Variants in TMEM132D observed in about 807,000 individuals in gnomAD.
TMEM132D encodes mature OL transmembrane protein.
TMEM132D carries 21 observed loss-of-function variants against 62.3 expected under a neutral mutation model. That is an observed-to-expected ratio of 0.34 (90% CI 0.24 to 0.49). The LOEUF is 0.49. Among genes scored for constraint, TMEM132D ranks in the 20% least tolerant of loss-of-function variants. The pLI, the probability that TMEM132D is intolerant of heterozygous loss-of-function variation, is 0.99. For synonymous variants in TMEM132D, 621 were observed against 575.6 expected (o/e 1.08, Z -1.13); for missense variants, 1,346 against 1,402.8 (o/e 0.96, Z 0.65).
chr12:129,673,928 C>T (rs780235828), intron 2 of TMEM132D, among the ~76,000 whole-genome samples: 24 of 151,996 alleles, frequency 1.6e-4, no homozygotes, highest in Non-Finnish European at 2.9e-4. Flanking sequence ...CAAGGTGACA[C>T]GGGTAGGAAA....
intron 1 of TMEM132D, among the ~76,000 whole-genome samples, chr12:129,775,435 G>GC (rs1870889953): frequency 6.6e-6 from 1 of 152,110 alleles, no homozygotes; most frequent in Non-Finnish European, 1.5e-5. Context: ...CTGTGCAGAG[G>GC]CCCCTCTCAA....
chr12:129,453,636 G>A (rs947011780), intron 3 of TMEM132D, among the ~76,000 whole-genome samples: 13 of 152,174 alleles, frequency 8.5e-5, no homozygotes, highest in Admixed American at 2.6e-4. Flanking sequence ...GTGCACGAAC[G>A]CTGACTGCTG....
chr12:129,796,844 G>A (rs957650643), intron 1 of TMEM132D, among the ~76,000 whole-genome samples: 15 of 152,108 alleles, frequency 9.9e-5, no homozygotes, highest in African/African-American at 2.9e-4. Context: ...CAACCTGCAC[G>A]TTCCGCACAT....
chr12:129,557,136 G>A lies in TMEM132D; in HGVS notation c.969-25931C>T, dbSNP rs908138669. 8.5e-5 allele frequency among the ~76,000 whole-genome samples: 13 copies of A among 152,092 alleles called. No individual in the cohort carries two copies. The East Asian group carries it at 1.4e-3, about 16-fold the overall frequency. Reference sequence around the variant, plus strand: ...CCTTATCAGAGTTAAGTTTTATAGCGGTTTACTTTTTTTAGCTTCCATTTT... The same window carrying A: ...CCTTATCAGAGTTAAGTTTTATAGCAGTTTACTTTTTTTAGCTTCCATTTT... On this transcript the variant is annotated intron_variant, in intron 2 of 8. Transcript: ENST00000422113.
chr12:129,253,008 C>G (rs527788913), intron 4 of TMEM132D, among the ~76,000 whole-genome samples: 5 of 127,514 alleles, frequency 3.9e-5, no homozygotes, highest in Non-Finnish European at 7.7e-5. Flanking sequence ...CACATGGACA[C>G]AGGAAGGGGA....
At chr12:129,110,210 C>T (rs1205574787) in intron 5 of TMEM132D, 1 of 152,302 alleles carries the variant, frequency 6.6e-6, no homozygotes, top group Non-Finnish European at 1.5e-5. Flanking sequence ...CTGCAGTCCT[C>T]AATTAATCTC....
intron 5 of TMEM132D, among the ~76,000 whole-genome samples, chr12:129,121,064 T>A (rs949607924): frequency 3.9e-5 from 6 of 152,068 alleles, no homozygotes; most frequent in East Asian, 1.9e-4. Flanking sequence ...TAAAGTTTAC[T>A]AATCAGCTGA....
At chr12:129,439,116 G>T (rs1423299209) in intron 3 of TMEM132D, among the ~76,000 whole-genome samples, 1 of 152,178 alleles carries the variant, frequency 6.6e-6, no homozygotes, top group Non-Finnish European at 1.5e-5. Context: ...GTTGCTGGGA[G>T]CCAGGTAGAA....
At chr12:129,898,577 C>T (rs914688418) in intron 1 of TMEM132D, among the ~76,000 whole-genome samples, 12 of 152,212 alleles carry the variant, frequency 7.9e-5, no homozygotes, top group East Asian at 3.9e-4. Context: ...CATCCGGTAA[C>T]GCCAGCCCAT....
At chr12:129,407,773 G>C (rs537455884) in intron 3 of TMEM132D, among the ~76,000 whole-genome samples, 6 of 151,826 alleles carry the variant, frequency 4.0e-5, no homozygotes, top group Admixed American at 3.9e-4. Context: ...GTGGTGGCGG[G>C]TGCCTGTAGT....
chr12:129,450,088 C>T (rs1873227681), intron 3 of TMEM132D, among the ~76,000 whole-genome samples: 1 of 151,996 alleles, frequency 6.6e-6, no homozygotes, highest in Non-Finnish European at 1.5e-5. Flanking sequence ...ATTTAAGTTC[C>T]TTATAGATGC....
intron 3 of TMEM132D, among the ~76,000 whole-genome samples, chr12:129,403,119 A>G (rs1328923759): frequency 6.6e-6 from 1 of 151,836 alleles, no homozygotes; most frequent in Non-Finnish European, 1.5e-5. Context: ...ATTAATTATA[A>G]CCAAACAATA....
chr12:129,272,248 C>T (rs1474889833), intron 4 of TMEM132D, among the ~76,000 whole-genome samples: 1 of 151,780 alleles, frequency 6.6e-6, no homozygotes, highest in African/African-American at 2.4e-5. Flanking sequence ...TAGGCCCACC[C>T]CAGACCTGCT....
chr12:129,466,279 C>CTGTTTTTTTTTTTT lies in TMEM132D; in HGVS notation c.1115+64779_1115+64780insAAAAAAAAAAAACA, dbSNP rs1566078686. ...TATAACAGTGGCTGGTAGATTTTTC[C>CTGTTTTTTTTTTTT]TTTTTTTTTTTTTTTTTTTTTTTTT... On this transcript the variant is annotated intron_variant, in intron 3 of 8. Coordinates refer to ENST00000422113, the MANE Select transcript of TMEM132D (RefSeq NM_133448.3). 2.0e-5 allele frequency among the ~76,000 whole-genome samples: 2 copies of CTGTTTTTTTTTTTT among 100,398 alleles called. 1 individual carries two copies. Among genetic ancestry groups the CTGTTTTTTTTTTTT allele is most frequent in the African/African-American group, 7.6e-5 (2 of 26,220 alleles). 65.9% of individuals were successfully genotyped at this position (100,398 alleles called of 152,430 possible).
At chr12:129,900,681 C>G (rs1366035621) in intron 1 of TMEM132D, among the ~76,000 whole-genome samples, 2 of 152,218 alleles carry the variant, frequency 1.3e-5, no homozygotes, top group Non-Finnish European at 2.9e-5. Flanking sequence ...TCAGCCCACC[C>G]TCCATACACC....
chr12:129,683,383 G>A (rs954658072), intron 2 of TMEM132D, among the ~76,000 whole-genome samples: 4 of 152,106 alleles, frequency 2.6e-5, no homozygotes, highest in African/African-American at 9.7e-5. Flanking sequence ...ATTGTTTTGA[G>A]GATTAAATGT....
chr12:129,562,899 A>G (rs1450408332), intron 2 of TMEM132D, among the ~76,000 whole-genome samples: 3 of 152,178 alleles, frequency 2.0e-5, no homozygotes, highest in African/African-American at 7.2e-5. Flanking sequence ...GCTTTGACCA[A>G]ATCAGATAAG....
At chr12:129,081,715 A>G (rs771090560) in intron 7 of TMEM132D, 44 bp downstream of exon 7, 2 of 1,536,546 alleles carry the variant, frequency 1.3e-6, no homozygotes, top group East Asian at 4.5e-5. Context: ...AGAGGTGGGA[A>G]GACAGAGAGA....
intron 2 of TMEM132D, among the ~76,000 whole-genome samples, chr12:129,536,459 C>G (rs962064346): frequency 1.3e-5 from 2 of 152,162 alleles, no homozygotes; most frequent in Non-Finnish European, 2.9e-5. Context: ...TGCAATCACT[C>G]TTGGCTTCTA....
Sources: allele counts gnomAD v4.1 joint callset (sites outside exome capture counted in the v4.1 genomes callset), GRCh38; gene constraint gnomAD v4.1.1; transcripts MANE v1.5; gene names NCBI Gene and HGNC (gene_info 2026-07-23, HGNC 2026-07-21).